The following EIF2B3 variants were observed in gnomAD, a reference collection of about 807,000 sequenced individuals.
The protein encoded by EIF2B3 is eukaryotic translation initiation factor 2B subunit gamma, also known as translation initiation factor eIF2B subunit gamma.
Under a neutral mutation model 54.1 loss-of-function variants are expected in EIF2B3, and 20 were observed. The observed-to-expected ratio is 0.37, with a 90% CI of 0.26 to 0.54. The LOEUF is 0.54. EIF2B3 is among the 20% of genes least tolerant of loss of function. The pLI is 0.86. For synonymous variants in EIF2B3, 153 were observed against 188.1 expected (o/e 0.81, Z 1.52); for missense variants, 448 against 547.8 (o/e 0.82, Z 1.82).
intron 6 of EIF2B3, among the ~76,000 whole-genome samples, chr1:44,882,931 T>TTTC (rs1655455433): frequency 1.4e-5 from 2 of 139,630 alleles, no homozygotes; most frequent in Non-Finnish European, 3.1e-5. Context: ...TCTTTTTCTT[T>TTTC]TTTTTTTTTT....
At chr1:44,978,621 CTTTTTTTTTTTTTT>C (rs57964686) in intron 2 of EIF2B3, among the ~76,000 whole-genome samples, 161 bp from the exon 3 acceptor site, 10 of 76,642 alleles carry the variant, frequency 1.3e-4, no homozygotes, top group East Asian at 1.2e-3. Context: ...CCAATAAATT[CTTTTTTTTTTTTTT>C]TTTTTTTTTT....
chr1:44,902,235 A>G (rs374475983), intron 5 of EIF2B3, among the ~76,000 whole-genome samples: 1 of 152,240 alleles, frequency 6.6e-6, no homozygotes, highest in East Asian at 1.9e-4. Flanking sequence ...CTTGGGAAGC[A>G]TAATTTCTTC....
chr1:44,979,638 G>A (rs12732402), intron 2 of EIF2B3, among the ~76,000 whole-genome samples: 33,609 of 151,106 alleles, frequency 0.22, 4,050 homozygotes, highest in Admixed American at 0.33. Flanking sequence ...AGCCTTGGAC[G>A]ACAGAGCAAG....
At chr1:44,854,533 G>A (rs1654378995) in intron 11 of EIF2B3, among the ~76,000 whole-genome samples, 1 of 151,712 alleles carries the variant, frequency 6.6e-6, no homozygotes, top group African/African-American at 2.4e-5. Context: ...TGCTATGGAT[G>A]TGGTGACTCT....
At chr1:44,898,478 T>C (rs1656052261) in intron 5 of EIF2B3, among the ~76,000 whole-genome samples, 1 of 152,056 alleles carries the variant, frequency 6.6e-6, no homozygotes, top group African/African-American at 2.4e-5. Flanking sequence ...AATAAACAAA[T>C]AAATGAATAA....
chr1:44,948,967 C>T (rs536310413), intron 3 of EIF2B3, among the ~76,000 whole-genome samples: 24 of 152,210 alleles, frequency 1.6e-4, no homozygotes, highest in African/African-American at 5.5e-4. Flanking sequence ...CCCCGAGGTT[C>T]AAGCAATTCT....
chr1:44,853,103 T>C (rs1557656250), intron 11 of EIF2B3, among the ~76,000 whole-genome samples: 1 of 151,974 alleles, frequency 6.6e-6, no homozygotes, highest in Admixed American at 6.6e-5. Flanking sequence ...TTAATAAATG[T>C]AGGGAAGTAC....
At chr1:44,978,574 T>C in intron 2 of EIF2B3, 114 bp from the exon 3 acceptor site, 1 of 988,640 alleles carries the variant, frequency 1.0e-6, no homozygotes, top group Non-Finnish European at 1.5e-6. Flanking sequence ...ACTGCTAATA[T>C]TATTGTGCCT....
intron 3 of EIF2B3, among the ~76,000 whole-genome samples, chr1:44,969,429 AAAT>A (rs1644379209): frequency 6.6e-6 from 1 of 152,184 alleles, no homozygotes; most frequent in South Asian, 2.1e-4. Context: ...AAACATGCTG[AAAT>A]TATATTTATG....
chr1:44,959,265 C>CT (rs966940471), intron 3 of EIF2B3: 1,004 of 666,938 alleles, frequency 1.5e-3, no homozygotes, highest in South Asian at 2.1e-3. Context: ...CAGTTCAGAC[C>CT]TTTTTTTTTG....
chr1:44,959,106 TA>T, intron 3 of EIF2B3: 1 of 762,460 alleles, frequency 1.3e-6, no homozygotes. Flanking sequence ...TTAGGCTACG[TA>T]ACATCCCTAT....
intron 6 of EIF2B3, among the ~76,000 whole-genome samples, chr1:44,885,750 GA>G (rs1329767937): frequency 6.6e-6 from 1 of 151,476 alleles, no homozygotes; most frequent in African/African-American, 2.4e-5. Context: ...TGACTGTAAA[GA>G]ATTTTTTTTT....
chr1:44,926,470 A>G (rs562466559), intron 5 of EIF2B3, among the ~76,000 whole-genome samples, 158 bp downstream of exon 5: 2 of 152,228 alleles, frequency 1.3e-5, no homozygotes, highest in South Asian at 4.1e-4. Context: ...TGCAGTGAAG[A>G]AAAGCCTTCA....
chr1:44,886,711 A>G (rs1039785959), intron 6 of EIF2B3, among the ~76,000 whole-genome samples: 1 of 152,228 alleles, frequency 6.6e-6, no homozygotes, highest in African/African-American at 2.4e-5. Context: ...GTGTTCAAAT[A>G]AGGCAAATGC....
chr1:44,967,739 CAAA>C (rs35067923), intron 3 of EIF2B3, among the ~76,000 whole-genome samples: 742 of 49,494 alleles, frequency 0.015, 8 homozygotes, highest in African/African-American at 0.047. Flanking sequence ...ATGCTGTCTT[CAAA>C]AAAAAAAAAA....
At chr1:44,878,088 C>T (rs546973746) in intron 8 of EIF2B3, among the ~76,000 whole-genome samples, 136 of 152,260 alleles carry the variant, frequency 8.9e-4, no homozygotes, top group Non-Finnish European at 1.4e-3. Flanking sequence ...TCCAGACCAG[C>T]GTGAAAGATG....
chr1:44,897,315 T>C, intron 6 of EIF2B3, 40 bp downstream of exon 6: 1 of 1,442,782 alleles, frequency 6.9e-7, no homozygotes, highest in South Asian at 1.2e-5. Flanking sequence ...AAGTAGCTTG[T>C]TAAGTACTGT....
At chr1:44,900,947 A>T (rs757605647) in intron 5 of EIF2B3, among the ~76,000 whole-genome samples, 61 of 151,872 alleles carry the variant, frequency 4.0e-4, no homozygotes, top group Non-Finnish European at 6.5e-4. Flanking sequence ...AAGAGTTCTT[A>T]TCTTTTCATT....
chr1:44,965,341 C>T (rs1046661872), intron 3 of EIF2B3, among the ~76,000 whole-genome samples: 6 of 152,118 alleles, frequency 3.9e-5, no homozygotes, highest in East Asian at 1.9e-4. Flanking sequence ...ATCTAATCTA[C>T]ATATAAAATT....
Sources: allele counts gnomAD v4.1 joint callset (sites outside exome capture counted in the v4.1 genomes callset), GRCh38; gene constraint gnomAD v4.1.1; transcripts MANE v1.5; gene names NCBI Gene and HGNC (gene_info 2026-07-23, HGNC 2026-07-21).